TRIO: variants seen among roughly 807,000 people sequenced by gnomAD.
TRIO encodes triple functional domain protein.
Under a neutral mutation model 351.9 loss-of-function variants are expected in TRIO, and 58 were observed. The ratio of observed to expected loss-of-function variants is 0.16; its 90% confidence interval spans 0.13 to 0.21. TRIO has a LOEUF of 0.21. TRIO is among the 10% of genes least tolerant of loss of function. TRIO has a pLI of 1.00. For missense variants in TRIO, 3,201 were observed against 4,027.8 expected, an observed-to-expected ratio of 0.79 and a Z score of 5.56; for synonymous variants, 1,758 against 1,595.7, an observed-to-expected ratio of 1.10 and a Z score of -2.42.
intron 34 of TRIO, among the ~76,000 whole-genome samples, chr5:14,428,379 A>G (rs140876111): frequency 5.3e-5 from 8 of 152,312 alleles, no homozygotes; most frequent in East Asian, 3.9e-4. Flanking sequence ...AGAAATCTAT[A>G]TACAGGTTTT....
intron 34 of TRIO, among the ~76,000 whole-genome samples, chr5:14,429,909 C>G (rs181331241): frequency 2.0e-5 from 3 of 152,304 alleles, no homozygotes; most frequent in Admixed American, 6.5e-5. Context: ...TGACCCCATT[C>G]CAGTACCTAG....
At chr5:14,491,229 G>A (rs914594283) in intron 48 of TRIO, among the ~76,000 whole-genome samples, 3 of 152,148 alleles carry the variant, frequency 2.0e-5, no homozygotes, top group Admixed American at 6.5e-5. Context: ...ACAGCAGTCC[G>A]CCACCTGCTC....
rs549574224 is a variant in TRIO at position 14,187,007 on chromosome 5, T to C, written c.157+43125T>C. On this transcript the variant is annotated intron_variant, in intron 1 of 56. Coordinates refer to ENST00000344204, the MANE Select transcript of TRIO (RefSeq NM_007118.4). Reference sequence around the variant, plus strand: ...AATGTTTAGTAATATTTGTGCAAATTAGATAGGGCGTGAGGGCTTGGTAAT... The same window carrying C: ...AATGTTTAGTAATATTTGTGCAAATCAGATAGGGCGTGAGGGCTTGGTAAT... Among the ~76,000 whole-genome samples the C allele has an allele frequency of 3.9e-5, 6 of 152,288 alleles. No individual in the cohort carries two copies. The South Asian group carries it at 8.3e-4, about 21-fold the overall frequency.
At chr5:14,261,014 C>T (rs562288662) in intron 1 of TRIO, among the ~76,000 whole-genome samples, 41 of 152,278 alleles carry the variant, frequency 2.7e-4, no homozygotes, top group Middle Eastern at 3.4e-3. Flanking sequence ...GCACCTACCC[C>T]CTCCTTAAAC....
At chr5:14,281,431 C>A (rs1029202306) in intron 3 of TRIO, among the ~76,000 whole-genome samples, 3 of 125,534 alleles carry the variant, frequency 2.4e-5, no homozygotes, top group East Asian at 3.0e-4. Flanking sequence ...AGAACCCCCC[C>A]CCCCCGCCCC....
chr5:14,261,594 G>A lies in TRIO; in HGVS notation c.158-9231G>A, dbSNP rs116059800. On this transcript the variant is annotated intron_variant, in intron 1 of 56. Coordinates refer to ENST00000344204, the MANE Select transcript of TRIO (RefSeq NM_007118.4). ...CATAATGAAAACATTTCAGTGTCAC[G>A]TTAAATTCTTGGGGGAAAAGCCCAC... is the stretch of plus-strand genomic sequence containing the variant. 4.9e-3 allele frequency among the ~76,000 whole-genome samples: 753 copies of A among 152,284 alleles called. 6 individuals carry two copies. Among genetic ancestry groups the A allele is most frequent in the African/African-American group, 0.016 (671 of 41,554 alleles).
At chr5:14,507,415 C>CTA (rs1757775248) in intron 56 of TRIO, among the ~76,000 whole-genome samples, 155 bp downstream of exon 56, 1 of 151,336 alleles carries the variant, frequency 6.6e-6, no homozygotes. Context: ...GCTAATCTCT[C>CTA]TCTCTAAGCG....
chr5:14,344,928 C>G (rs1403935972), intron 11 of TRIO, among the ~76,000 whole-genome samples: 1 of 152,214 alleles, frequency 6.6e-6, no homozygotes, highest in African/African-American at 2.4e-5. Context: ...TTGTACACAT[C>G]ACTAAGTACA....
chr5:14,484,130 A>G (rs1004667233), intron 46 of TRIO, among the ~76,000 whole-genome samples: 12 of 152,284 alleles, frequency 7.9e-5, no homozygotes, highest in African/African-American at 2.9e-4. Flanking sequence ...CCATCCCCTG[A>G]GAACTGCCTA....
At chr5:14,244,349 T>C (rs1465249058) in intron 1 of TRIO, among the ~76,000 whole-genome samples, 1 of 152,208 alleles carries the variant, frequency 6.6e-6, no homozygotes, top group Non-Finnish European at 1.5e-5. Flanking sequence ...CATTGTCTGC[T>C]GTAAATGGGG....
In TRIO at chr5:14,344,376, C is replaced by A. The variant is rs78706398; in HGVS notation, c.2046+7649C>A. Among the ~76,000 whole-genome samples the A allele has an allele frequency of 1.6e-3, 251 of 152,268 alleles. 7 individuals carry two copies. The East Asian group carries it at 0.041, about 25-fold the overall frequency. ...AAAAAATACATCTAGTCAATTATGT[C>A]TTTCTATAAAAATATAATCTTTATT... On this transcript the variant is annotated intron_variant, in intron 11 of 56. Coordinates refer to ENST00000344204, the MANE Select transcript of TRIO (RefSeq NM_007118.4).
At chr5:14,219,463 G>C (rs150603398) in intron 1 of TRIO, among the ~76,000 whole-genome samples, 286 of 152,334 alleles carry the variant, frequency 1.9e-3, no homozygotes, top group African/African-American at 6.8e-3. Flanking sequence ...CAACCCGTGT[G>C]GGAATGCTGC....
At chr5:14,236,747 A>G (rs570187717) in intron 1 of TRIO, among the ~76,000 whole-genome samples, 68 of 152,284 alleles carry the variant, frequency 4.5e-4, no homozygotes, top group African/African-American at 1.5e-3. Flanking sequence ...CCCATTTAAG[A>G]TATACAGTTC....
At chr5:14,377,399 C>T (rs1223809997) in intron 19 of TRIO, among the ~76,000 whole-genome samples, 2 of 152,088 alleles carry the variant, frequency 1.3e-5, no homozygotes, top group African/African-American at 2.4e-5. Flanking sequence ...GCACCTGCCA[C>T]CATGCCCTGC....
chr5:14,291,373 T>C, intron 5 of TRIO, 145 bp downstream of exon 5: 1 of 912,952 alleles, frequency 1.1e-6, no homozygotes, highest in Non-Finnish European at 1.6e-6. Flanking sequence ...ATTTCAGAAA[T>C]GGCACTGAAA....
Position 14,280,106 on chromosome 5 carries a change from A to G in TRIO, c.233-216A>G, listed in dbSNP as rs188274299. On this transcript the variant is annotated intron_variant, in intron 2 of 56. Transcript: ENST00000344204. ...GGAAGAAAAAGACAAGGCCATATGT[A>G]GTACCTTCCATGTGGCCTGCAGAGC... Among the ~76,000 whole-genome samples the G allele has an allele frequency of 2.0e-3, 298 of 152,346 alleles. 1 individual carries two copies. Among genetic ancestry groups the G allele is most frequent in the Non-Finnish European group, 2.5e-3 (169 of 68,028 alleles).
chr5:14,409,805 C>A (rs948795834), intron 33 of TRIO, among the ~76,000 whole-genome samples: 2 of 148,838 alleles, frequency 1.3e-5, no homozygotes, highest in Non-Finnish European at 3.0e-5. Context: ...ACTGCACTCC[C>A]ACCTGGGCGA....
intron 1 of TRIO, among the ~76,000 whole-genome samples, chr5:14,202,209 T>G (rs528850061): frequency 1.1e-3 from 168 of 151,404 alleles, no homozygotes; most frequent in Middle Eastern, 7.0e-3. Flanking sequence ...TGCTAGGCAG[T>G]TCTAAGGACC....
Position 14,497,530 on chromosome 5 carries a change from C to T in TRIO, c.8020-317C>T, listed in dbSNP as rs1353675641. Among the ~76,000 whole-genome samples, 1 of 152,196 alleles carries T rather than the reference C, an allele frequency of 6.6e-6. No homozygotes were observed. Among genetic ancestry groups the T allele is most frequent in the Non-Finnish European group, 1.5e-5 (1 of 68,052 alleles). On this transcript the variant is annotated intron_variant, in intron 50 of 56. Transcript: ENST00000344204. The surrounding 1 kb of genome is among the most constrained non-coding windows in gnomAD (Gnocchi z 4.4). ...AAAAGAAGGTATCTCCTGAAAGGGA[C>T]TCTGAGCGCCAGGGGCCAGGGCGTT...
Sources: gnomAD v4.1 joint callset for allele counts (sites outside exome capture counted in the v4.1 genomes callset) on GRCh38, gnomAD v4.1.1 for gene constraint, Gnocchi (gnomAD v3.1) non-coding constraint, MANE v1.5 for transcripts, NCBI Gene and HGNC (gene_info 2026-07-23, HGNC 2026-07-21) for gene names.